Variants in PCDH9 observed in about 807,000 individuals in gnomAD.
PCDH9 encodes protocadherin-9.
Under a neutral mutation model 70.6 loss-of-function variants are expected in PCDH9, and 24 were observed. The ratio of observed to expected loss-of-function variants is 0.34; its 90% CI spans 0.25 to 0.48. The LOEUF is 0.48. Ranked by LOEUF, PCDH9 falls within the 20% of genes least tolerant of loss-of-function variation. PCDH9 has a pLI of 0.99. For synonymous variants in PCDH9, 562 were observed against 558.5 expected, an observed-to-expected ratio of 1.01 and a Z score of -0.09; for missense variants, 1,281 against 1,503.6, an observed-to-expected ratio of 0.85 and a Z score of 2.45.
intron 4 of PCDH9, among the ~76,000 whole-genome samples, chr13:66,593,175 G>A (rs911815386): frequency 2.0e-5 from 3 of 151,666 alleles, no homozygotes; most frequent in Admixed American, 6.6e-5. Flanking sequence ...TAGATGCAGT[G>A]CTTATACGCA....
chr13:66,967,161 G>GA lies in PCDH9; in HGVS notation c.3037-63557dup, dbSNP rs141581999. Among the ~76,000 whole-genome samples, 1,166 of 151,924 alleles carry GA rather than the reference G, an allele frequency of 7.7e-3. 10 individuals are homozygous for GA. The highest frequency in any genetic ancestry group is 0.026 in the African/African-American group (1,094 of 41,466). The stretch of plus-strand genomic sequence containing the variant: ...AAGACAGATTCCAAGTTATGTTAGA[G>GA]AAAAAAATCACTTAAAATGGCAGAA... On this transcript the variant is annotated intron_variant, in intron 2 of 4. Transcript: ENST00000377865.
intron 2 of PCDH9, among the ~76,000 whole-genome samples, chr13:67,121,952 A>G (rs981355276): frequency 2.6e-5 from 4 of 152,182 alleles, no homozygotes; most frequent in Admixed American, 6.5e-5. Flanking sequence ...AGCTGTACAC[A>G]TATCTATTTT....
At chr13:66,373,927 T>C (rs1416083695) in intron 4 of PCDH9, among the ~76,000 whole-genome samples, 1 of 152,106 alleles carries the variant, frequency 6.6e-6, no homozygotes, top group African/African-American at 2.4e-5. Flanking sequence ...GCTTATATCA[T>C]AGGATTATTC....
intron 2 of PCDH9, among the ~76,000 whole-genome samples, chr13:67,015,162 A>G (rs953965192): frequency 6.6e-6 from 1 of 151,748 alleles, no homozygotes; most frequent in Non-Finnish European, 1.5e-5. Flanking sequence ...TGCATTGGTA[A>G]CTCTTTTGAA....
At chr13:66,632,349 T>C (rs1196386583) in intron 3 of PCDH9, among the ~76,000 whole-genome samples, 1 of 152,236 alleles carries the variant, frequency 6.6e-6, no homozygotes, top group Non-Finnish European at 1.5e-5. Context: ...TTCTATGCAA[T>C]TGCTATTGAT....
chr13:67,228,599 A>G (rs1306604744), intron 1 of PCDH9, 24 bp from the exon 2 acceptor site: 1 of 491,510 alleles, frequency 2.0e-6, no homozygotes, highest in African/African-American at 2.0e-5. Context: ...TGTATAGACA[A>G]TATTATTCTT....
intron 2 of PCDH9, among the ~76,000 whole-genome samples, chr13:67,094,770 T>C (rs1189432991): frequency 6.6e-6 from 1 of 152,134 alleles, no homozygotes; most frequent in Admixed American, 6.5e-5. Context: ...TTCTGTCCAA[T>C]TTCTAAATCT....
At chr13:67,086,495 T>C (rs1338038771) in intron 2 of PCDH9, among the ~76,000 whole-genome samples, 1 of 152,182 alleles carries the variant, frequency 6.6e-6, no homozygotes, top group African/African-American at 2.4e-5. Flanking sequence ...ACTCACATGA[T>C]GTTTTACAAA....
intron 3 of PCDH9, among the ~76,000 whole-genome samples, chr13:66,803,994 T>G (rs1458327100): frequency 6.6e-6 from 1 of 152,152 alleles, no homozygotes; most frequent in Non-Finnish European, 1.5e-5. Context: ...AACTCAGCCT[T>G]GAGCTTGACA....
At chr13:66,791,512 C>T (rs983989772) in intron 3 of PCDH9, among the ~76,000 whole-genome samples, 3 of 151,814 alleles carry the variant, frequency 2.0e-5, no homozygotes, top group African/African-American at 7.3e-5. Flanking sequence ...CAGTTTTTGC[C>T]ATTACTTTCA....
At chr13:66,465,399 A>C (rs540216179) in intron 4 of PCDH9, among the ~76,000 whole-genome samples, 1 of 151,930 alleles carries the variant, frequency 6.6e-6, no homozygotes, top group Non-Finnish European at 1.5e-5. Context: ...GATTCAGATG[A>C]AGTAGTTGAG....
chr13:66,553,612 A>C (rs534142255), intron 4 of PCDH9, among the ~76,000 whole-genome samples: 1 of 152,260 alleles, frequency 6.6e-6, no homozygotes, highest in South Asian at 2.1e-4. Context: ...CTCAACAGAA[A>C]TGTGATTTGA....
At chr13:66,432,800 G>T (rs1459118999) in intron 4 of PCDH9, among the ~76,000 whole-genome samples, 1 of 151,966 alleles carries the variant, frequency 6.6e-6, no homozygotes, top group African/African-American at 2.4e-5. Flanking sequence ...TGCATAAAAT[G>T]AGGAAGAAAT....
intron 2 of PCDH9, among the ~76,000 whole-genome samples, chr13:67,018,405 G>T (rs1461422382): frequency 6.6e-6 from 1 of 152,040 alleles, no homozygotes; most frequent in Non-Finnish European, 1.5e-5. Context: ...TGGATCACAA[G>T]GTCAAGAGAT....
In PCDH9 at chr13:66,482,466, A is replaced by G. The variant is rs150830889; in HGVS notation, c.3340+148744T>C. On this transcript the variant is annotated intron_variant, in intron 4 of 4. Transcript: ENST00000377865. ...GCTCTAATCTGAAGTGGGTCACTCT[A>G]CCACCCTTAGCTGCAGGAAAGCTGA... Among the ~76,000 whole-genome samples the G allele has an allele frequency of 1.9e-3, 288 of 152,308 alleles. 2 individuals carry two copies. Among genetic ancestry groups the G allele is most frequent in the African/African-American group, 6.7e-3 (277 of 41,566 alleles).
Position 66,730,864 on chromosome 13 carries a change from T to TGTA in PCDH9, c.3139-99454_3139-99453insTAC, listed in dbSNP as rs201148717. Among the ~76,000 whole-genome samples the TGTA allele has an allele frequency of 2.5e-5, 3 of 122,292 alleles. No homozygotes were observed. The East Asian group carries it at 7.1e-4, about 29-fold the overall frequency. 80.2% of individuals were successfully genotyped at this position (122,292 alleles called of 152,430 possible). The stretch of plus-strand genomic sequence containing the variant: ...TGGCTGTTTTTTTGTTTTTGTTTTT[T>TGTA]TGTGTGTGTGTGTTTTTTTTTTGTT... On this transcript the variant is annotated intron_variant, in intron 3 of 4. Coordinates refer to ENST00000377865, the MANE Select transcript of PCDH9 (RefSeq NM_203487.3).
Position 66,388,724 on chromosome 13 carries a change from T to C in PCDH9, c.3341-83696A>G, listed in dbSNP as rs79572990. The stretch of plus-strand genomic sequence containing the variant: ...TCATATGACGCTGTTATTTATATTA[T>C]TGGATATCATGAGTACTTATTTCAA... On this transcript the variant is annotated intron_variant, in intron 4 of 4. Coordinates refer to ENST00000377865, the MANE Select transcript of PCDH9 (RefSeq NM_203487.3). 4.9e-3 allele frequency among the ~76,000 whole-genome samples: 746 copies of C among 152,258 alleles called. 22 individuals are homozygous for C. The East Asian group carries it at 0.074, about 15-fold the overall frequency.
chr13:67,079,755 G>T (rs2085947602), intron 2 of PCDH9, among the ~76,000 whole-genome samples: 1 of 152,058 alleles, frequency 6.6e-6, no homozygotes, highest in Admixed American at 6.5e-5. Context: ...TGACACCTTT[G>T]AAGTCTGGAA....
In PCDH9 at chr13:67,224,798, GAATTT is replaced by G. The variant is rs1287773364; in HGVS notation, c.3036+602_3036+606del. The G allele has an allele frequency of 5.8e-5, 50 of 867,894 alleles. No homozygotes were observed. The Middle Eastern group carries it at 1.8e-3, about 32-fold the overall frequency. The allele number at this position is 867,894 out of a possible 1,614,324, so 53.8% of individuals were successfully genotyped here. A position where few individuals can be genotyped will look rare whatever the true frequency, so the allele number is the denominator to read the frequency against. On this transcript the variant is annotated intron_variant, in intron 2 of 4. Coordinates refer to ENST00000377865, the MANE Select transcript of PCDH9 (RefSeq NM_203487.3). Reference sequence around the variant, plus strand: ...ACTAAAAATCTTTCTATTAAGTACCGAATTTAATATATTACAATAAAATAATTTGA... The same window carrying G: ...ACTAAAAATCTTTCTATTAAGTACCGAATATATTACAATAAAATAATTTGA...
Sources: gnomAD v4.1 joint callset for allele counts (sites outside exome capture counted in the v4.1 genomes callset) on GRCh38, gnomAD v4.1.1 for gene constraint, MANE v1.5 for transcripts, NCBI Gene and HGNC (gene_info 2026-07-23, HGNC 2026-07-21) for gene names.